The following NPLOC4 variants were observed in gnomAD, a reference collection of about 807,000 sequenced individuals.
The protein encoded by NPLOC4 is nuclear protein localization protein 4 homolog.
A neutral mutation model predicts 80.6 loss-of-function variants in NPLOC4; 18 were observed. That is an observed-to-expected ratio of 0.22 (90% CI 0.15 to 0.33). NPLOC4 has a LOEUF of 0.33. NPLOC4 is among the 10% of genes least tolerant of loss of function. NPLOC4 has a pLI of 1.00. For missense variants in NPLOC4, 540 were observed against 786.1 expected, an observed-to-expected ratio of 0.69 and a Z score of 3.74; for synonymous variants, 313 against 301.5, an observed-to-expected ratio of 1.04 and a Z score of -0.39.
chr17:81,602,555 T>C (rs551267617), intron 8 of NPLOC4, among the ~76,000 whole-genome samples: 101 of 151,824 alleles, frequency 6.7e-4, no homozygotes, highest in Middle Eastern at 3.4e-3. Flanking sequence ...TTACAAAAAT[T>C]AGCCAGGCGT....
At chr17:81,626,670 C>T (rs371929940) in intron 2 of NPLOC4, among the ~76,000 whole-genome samples, 12 of 152,076 alleles carry the variant, frequency 7.9e-5, no homozygotes, top group African/African-American at 2.4e-4. Context: ...CCATCTCTAC[C>T]AAAAAATTAA....
intron 12 of NPLOC4, among the ~76,000 whole-genome samples, chr17:81,583,750 A>T (rs1043488122): frequency 6.6e-6 from 1 of 152,184 alleles, no homozygotes; most frequent in Non-Finnish European, 1.5e-5. Context: ...TGCATATGGG[A>T]CAGGGCAAAG....
chr17:81,632,656 G>A (rs1274822748), intron 1 of NPLOC4, among the ~76,000 whole-genome samples: 2 of 152,018 alleles, frequency 1.3e-5, no homozygotes, highest in African/African-American at 2.4e-5. Flanking sequence ...TATTTTCTGT[G>A]AGGTTACCAC....
chr17:81,613,332 G>A lies in NPLOC4; in HGVS notation c.372C>T (p.Ser124=), dbSNP rs1205868900. 2.5e-6 allele frequency: 4 copies of A among 1,613,554 alleles called. No homozygotes were observed. The South Asian group carries it at 3.3e-5, about 13-fold the overall frequency. Residue 124 remains serine (S), a synonymous_variant, in exon 4 of 17, where the codon AGC becomes AGT. Coordinates refer to ENST00000331134, the MANE Select transcript of NPLOC4 (RefSeq NM_017921.4). ...LSKQDGKIYR[S]RDPQLCRHGP... Reference sequence around the variant, plus strand: ...GGATCACTTACAGCTGTGGGTCTCGGCTTCTGTAAATCTTCCCGTCCTGTT... The same window carrying A: ...GGATCACTTACAGCTGTGGGTCTCGACTTCTGTAAATCTTCCCGTCCTGTT...
chr17:81,583,830 T>A (rs62074663), intron 12 of NPLOC4, among the ~76,000 whole-genome samples: 12,150 of 152,272 alleles, frequency 0.08, 563 homozygotes, highest in Middle Eastern at 0.17. Flanking sequence ...TGAGTGCATG[T>A]AAATGTATGT....
In NPLOC4 at chr17:81,567,598, G is replaced by C. The variant is rs940443223; in HGVS notation, c.1450-65C>G. On this transcript the variant is annotated intron_variant, in intron 14 of 16. Coordinates refer to ENST00000331134, the MANE Select transcript of NPLOC4 (RefSeq NM_017921.4). This position sits in a 1 kb window ranked among gnomAD's most constrained non-coding sequence, Gnocchi z 4.5. ...CCCCAGTGCCAGACCCCGAAACAGAGCTGTTTCCTACTAAGACGCAACTCA... is the reference window on the plus strand; with the variant it reads ...CCCCAGTGCCAGACCCCGAAACAGACCTGTTTCCTACTAAGACGCAACTCA... 5 of 975,482 alleles carry C rather than the reference G, an allele frequency of 5.1e-6. No individual in the cohort carries two copies. The African/African-American group carries it at 6.4e-5, about 13-fold the overall frequency. The allele number at this position is 975,482 out of a possible 1,614,324, so 60.4% of individuals were successfully genotyped here. A position where few individuals can be genotyped will look rare whatever the true frequency, so the allele number is the denominator to read the frequency against.
At chr17:81,585,761 C>G (rs946445541) in intron 12 of NPLOC4, among the ~76,000 whole-genome samples, 1 of 151,382 alleles carries the variant, frequency 6.6e-6, no homozygotes, top group Non-Finnish European at 1.5e-5. Flanking sequence ...CTGAGGCAGG[C>G]AGATTGCTTG....
intron 1 of NPLOC4, among the ~76,000 whole-genome samples, chr17:81,633,872 ATTT>A (rs35394558): frequency 1.4e-5 from 2 of 143,622 alleles, no homozygotes; most frequent in East Asian, 2.0e-4. Flanking sequence ...CGCCCAGCTA[ATTT>A]TTTTTTTTTT....
chr17:81,567,641 A>G lies in NPLOC4; in HGVS notation c.1450-108T>C. On this transcript the variant is annotated intron_variant, in intron 14 of 16. Coordinates refer to ENST00000331134, the MANE Select transcript of NPLOC4 (RefSeq NM_017921.4). This position sits in a 1 kb window ranked among gnomAD's most constrained non-coding sequence, Gnocchi z 4.5. ...GCAACTCAATACACTGAATGCTGAGACACCTCTCCCTCTGCCTCTGCAACC... is the reference window on the plus strand; with the variant it reads ...GCAACTCAATACACTGAATGCTGAGGCACCTCTCCCTCTGCCTCTGCAACC... 1.5e-6 allele frequency: 1 copy of G among 680,576 alleles called. No individual in the cohort carries two copies. The highest frequency in any genetic ancestry group is 2.6e-6 in the Non-Finnish European group (1 of 379,730). 42.2% of individuals were successfully genotyped at this position (680,576 alleles called of 1,614,324 possible).
At chr17:81,602,390 AAATTAAAC>A (rs1403913983) in intron 8 of NPLOC4, among the ~76,000 whole-genome samples, 3 of 152,072 alleles carry the variant, frequency 2.0e-5, no homozygotes, top group African/African-American at 4.8e-5. Context: ...ATAAAAAAAA[AAATTAAAC>A]AATTAAACAA....
intron 1 of NPLOC4, among the ~76,000 whole-genome samples, chr17:81,632,566 G>A (rs941424112): frequency 1.3e-5 from 2 of 151,150 alleles, no homozygotes; most frequent in East Asian, 2.0e-4. Flanking sequence ...CACCCACCTG[G>A]GCCTCCCAAA....
intron 11 of NPLOC4, among the ~76,000 whole-genome samples, chr17:81,595,598 G>A (rs2034888922): frequency 6.6e-6 from 1 of 150,626 alleles, no homozygotes; most frequent in South Asian, 2.1e-4. Context: ...AGGCTGGAGT[G>A]CACTGGCACA....
chr17:81,559,353 G>A lies in NPLOC4; in HGVS notation c.1733C>T (p.Thr578Met), dbSNP rs113318717. The A allele has an allele frequency of 1.2e-3, 1,919 of 1,607,754 alleles. 14 individuals carry two copies. In the African/African-American group the frequency reaches 0.02, roughly 17 times the overall value. Reference protein sequence around the residue: ...EYGAVGGSTHTATAAMWACQH... With the variant: ...EYGAVGGSTHMATAAMWACQH... ...ACAGGCCCACATGGCTGCAGTGGCC[G>A]TGTGTGTGGAGCCCCCGACGGCGCC... The change falls in exon 17 of 17, where the codon ACG (threonine) becomes ATG (methionine). Residue 578 changes from threonine to methionine, a missense_variant. Physicochemically the swap from Thr to Met is moderately conservative, Grantham distance 81. Around this residue, in one of 6 missense-constraint regions of NPLOC4, gnomAD observed 87 missense variants for 70.3 expected, o/e 1.24. Coordinates refer to ENST00000331134, the MANE Select transcript of NPLOC4 (RefSeq NM_017921.4).
intron 12 of NPLOC4, among the ~76,000 whole-genome samples, chr17:81,576,770 A>C (rs2034313755): frequency 6.6e-6 from 1 of 152,210 alleles, no homozygotes; most frequent in African/African-American, 2.4e-5. Flanking sequence ...CAAAGAAAAC[A>C]GTCAGTAAAC....
At chr17:81,598,305 T>C (rs2034975044) in intron 9 of NPLOC4, among the ~76,000 whole-genome samples, 1 of 151,934 alleles carries the variant, frequency 6.6e-6, no homozygotes. Context: ...GCTGCTGGGT[T>C]AGAGATGAGT....
intron 1 of NPLOC4, among the ~76,000 whole-genome samples, chr17:81,631,470 G>A (rs1273017504): frequency 1.0e-5 from 1 of 99,256 alleles, no homozygotes; most frequent in Non-Finnish European, 2.1e-5. Context: ...TTTCCCCCAC[G>A]GCAAGCCTAA....
At chr17:81,570,632 C>T (rs2034137115) in intron 13 of NPLOC4, among the ~76,000 whole-genome samples, 3 of 152,210 alleles carry the variant, frequency 2.0e-5, no homozygotes, top group African/African-American at 7.2e-5. Flanking sequence ...CCTACCCTAC[C>T]CATCGTCTAT....
intron 3 of NPLOC4, among the ~76,000 whole-genome samples, chr17:81,617,864 T>A (rs1274001018): frequency 6.6e-6 from 1 of 152,214 alleles, no homozygotes; most frequent in African/African-American, 2.4e-5. Flanking sequence ...TTTCGCTGTG[T>A]TGGCCGGGCT....
At chr17:81,614,083 T>C (rs1425837952) in intron 3 of NPLOC4, among the ~76,000 whole-genome samples, 1 of 151,886 alleles carries the variant, frequency 6.6e-6, no homozygotes, top group Non-Finnish European at 1.5e-5. Flanking sequence ...AAGACCATCC[T>C]GGCCAACAGG....
Sources: gnomAD v4.1 joint callset for allele counts (sites outside exome capture counted in the v4.1 genomes callset) on GRCh38, gnomAD v4.1.1 for gene constraint, gnomAD v4.1.1 regional missense constraint, Gnocchi (gnomAD v3.1) non-coding constraint, MANE v1.5 for transcripts, NCBI Gene and HGNC (gene_info 2026-07-23, HGNC 2026-07-21) for gene names.